The following LRMDA variants were observed in gnomAD, a reference collection of about 807,000 sequenced individuals.
The protein encoded by LRMDA is leucine rich melanocyte differentiation associated, also known as leucine-rich melanocyte differentiation-associated protein.
Under a neutral mutation model 29.8 loss-of-function variants are expected in LRMDA, and 18 were observed. That is an observed-to-expected ratio of 0.60 (90% CI 0.42 to 0.90). LRMDA has a LOEUF of 0.90. LRMDA is among the 40% of genes least tolerant of loss of function. The probability of loss-of-function intolerance (pLI) is 0.00; values close to 1 mark genes in which losing one functional copy is unlikely to be tolerated. For missense variants in LRMDA, 273 were observed against 273.9 expected (o/e 1.00, Z 0.02); for synonymous variants, 125 against 109.4 (o/e 1.14, Z -0.89).
chr10:76,220,212 A>C (rs530236111), intron 5 of LRMDA, among the ~76,000 whole-genome samples: 1,639 of 152,312 alleles, frequency 0.011, 30 homozygotes, highest in African/African-American at 0.036. Context: ...AAAGAACTAG[A>C]AAAGCAAGAG....
At chr10:76,550,591 A>T (rs780470228) in intron 6 of LRMDA, among the ~76,000 whole-genome samples, 1 of 151,502 alleles carries the variant, frequency 6.6e-6, no homozygotes, top group African/African-American at 2.4e-5. Context: ...CAGATGATAA[A>T]CCGAGACACT....
chr10:76,267,024 C>T (rs974100274), intron 5 of LRMDA, among the ~76,000 whole-genome samples: 1 of 152,012 alleles, frequency 6.6e-6, no homozygotes, highest in Non-Finnish European at 1.5e-5. Context: ...TTGTAACTAA[C>T]CTCCCTTAGA....
intron 6 of LRMDA, among the ~76,000 whole-genome samples, chr10:76,537,881 C>T (rs1843307887): frequency 6.6e-6 from 1 of 152,098 alleles, no homozygotes; most frequent in African/African-American, 2.4e-5. Flanking sequence ...TTTTAACAAC[C>T]TCAGTATATT....
intron 5 of LRMDA, among the ~76,000 whole-genome samples, chr10:76,164,434 C>T (rs1395085707): frequency 6.6e-6 from 1 of 152,174 alleles, no homozygotes; most frequent in East Asian, 1.9e-4. Flanking sequence ...TGGCAAATTA[C>T]AGCCCATAAA....
chr10:76,469,892 T>C (rs1276750524), intron 6 of LRMDA, among the ~76,000 whole-genome samples: 3 of 152,098 alleles, frequency 2.0e-5, no homozygotes, highest in Non-Finnish European at 4.4e-5. Context: ...CCACTATCTC[T>C]TTCCAAAACA....
intron 2 of LRMDA, among the ~76,000 whole-genome samples, chr10:75,703,936 A>T (rs1045457258): frequency 1.3e-5 from 2 of 152,190 alleles, no homozygotes. Flanking sequence ...CCCAACAGTG[A>T]CTGGCATTAG....
At chr10:75,468,041 G>C (rs1380258531) in intron 2 of LRMDA, among the ~76,000 whole-genome samples, 1 of 151,366 alleles carries the variant, frequency 6.6e-6, no homozygotes, top group Admixed American at 6.6e-5. Flanking sequence ...GGTAGAAATG[G>C]CTGATAGTGG....
intron 2 of LRMDA, among the ~76,000 whole-genome samples, chr10:75,708,824 C>T (rs373734187): frequency 6.6e-6 from 1 of 152,222 alleles, no homozygotes; most frequent in Non-Finnish European, 1.5e-5. Context: ...TTTCCCATAG[C>T]AGCAGCTCTC....
At chr10:76,035,830 T>C (rs990607934) in intron 2 of LRMDA, among the ~76,000 whole-genome samples, 178 bp from the exon 3 acceptor site, 1 of 151,358 alleles carries the variant, frequency 6.6e-6, no homozygotes, top group African/African-American at 2.4e-5. Context: ...CGGCCCCTTC[T>C]CCCCCGCCGC....
intron 2 of LRMDA, among the ~76,000 whole-genome samples, chr10:75,983,627 A>G (rs754952878): frequency 6.6e-6 from 1 of 152,162 alleles, no homozygotes; most frequent in African/African-American, 2.4e-5. Flanking sequence ...ATGTGTGCAT[A>G]TACATACGCG....
intron 2 of LRMDA, among the ~76,000 whole-genome samples, chr10:75,510,423 AT>A (rs1342130255): frequency 3.9e-5 from 6 of 152,218 alleles, no homozygotes; most frequent in Non-Finnish European, 5.9e-5. Context: ...GAGGACTTGT[AT>A]GTTACACACT....
At chr10:75,536,424 A>G (rs1839946152) in intron 2 of LRMDA, among the ~76,000 whole-genome samples, 1 of 152,122 alleles carries the variant, frequency 6.6e-6, no homozygotes, top group Non-Finnish European at 1.5e-5. Context: ...CTAACTATGT[A>G]TATACCCTGG....
chr10:76,064,279 G>T (rs1848749088), intron 5 of LRMDA, among the ~76,000 whole-genome samples: 2 of 152,136 alleles, frequency 1.3e-5, no homozygotes, highest in African/African-American at 4.8e-5. Flanking sequence ...CCATGACTTG[G>T]CTTTTCCACT....
At chr10:76,297,134 C>G (rs1006927471) in intron 5 of LRMDA, among the ~76,000 whole-genome samples, 1 of 152,190 alleles carries the variant, frequency 6.6e-6, no homozygotes, top group Admixed American at 6.5e-5. Flanking sequence ...CATGGCAATC[C>G]CAGTTTATGT....
chr10:76,332,580 A>G (rs1387909880), intron 6 of LRMDA, among the ~76,000 whole-genome samples: 1 of 152,222 alleles, frequency 6.6e-6, no homozygotes, highest in Non-Finnish European at 1.5e-5. Context: ...TCTTCCCCCA[A>G]CAGACAGTCC....
intron 2 of LRMDA, among the ~76,000 whole-genome samples, chr10:75,577,404 T>G (rs1398128777): frequency 6.6e-6 from 1 of 151,980 alleles, no homozygotes; most frequent in Non-Finnish European, 1.5e-5. Context: ...AAAGACCAAA[T>G]GTACATTGAT....
chr10:75,909,842 T>G (rs552972813), intron 2 of LRMDA, among the ~76,000 whole-genome samples: 1 of 152,202 alleles, frequency 6.6e-6, no homozygotes, highest in Non-Finnish European at 1.5e-5. Context: ...TACAAACATA[T>G]CACATCATAT....
intron 2 of LRMDA, among the ~76,000 whole-genome samples, chr10:75,463,750 C>G (rs1227293561): frequency 6.6e-6 from 1 of 152,114 alleles, no homozygotes; most frequent in Non-Finnish European, 1.5e-5. Context: ...TCACTGCAAC[C>G]TTTGCCTCCC....
intron 2 of LRMDA, among the ~76,000 whole-genome samples, chr10:75,607,268 G>A (rs1320830582): frequency 1.3e-5 from 2 of 152,160 alleles, no homozygotes; most frequent in African/African-American, 4.8e-5. Flanking sequence ...TTATGAACAA[G>A]GCCTTTCTTG....
Sources: allele counts gnomAD v4.1 joint callset (sites outside exome capture counted in the v4.1 genomes callset), GRCh38; gene constraint gnomAD v4.1.1; transcripts MANE v1.5; gene names NCBI Gene and HGNC (gene_info 2026-07-23, HGNC 2026-07-21).